CACNA1A: variants seen among roughly 807,000 people sequenced by gnomAD.
CACNA1A encodes calcium voltage-gated channel subunit alpha1 A, also known as voltage-dependent P/Q-type calcium channel subunit alpha-1A.
Under a neutral mutation model 262.4 loss-of-function variants are expected in CACNA1A, and 57 were observed. The ratio of observed to expected loss-of-function variants is 0.22; its 90% CI spans 0.18 to 0.27. CACNA1A has a LOEUF of 0.27. Among genes scored for constraint, CACNA1A ranks in the 10% least tolerant of loss-of-function variants. CACNA1A has a pLI of 1.00. For synonymous variants in CACNA1A, 1,431 were observed against 1,419.3 expected, an observed-to-expected ratio of 1.01 and a Z score of -0.18; for missense variants, 2,526 against 3,562.8, an observed-to-expected ratio of 0.71 and a Z score of 7.41.
chr19:13,267,672 G>A (rs1312451718), intron 24 of CACNA1A, among the ~76,000 whole-genome samples: 3 of 152,096 alleles, frequency 2.0e-5, no homozygotes, highest in Non-Finnish European at 2.9e-5. Context: ...ACTGGGTGCC[G>A]TGGCTCACAG....
At chr19:13,416,371 G>A (rs1485998583) in intron 3 of CACNA1A, among the ~76,000 whole-genome samples, 2 of 152,106 alleles carry the variant, frequency 1.3e-5, no homozygotes, top group African/African-American at 2.4e-5. Context: ...CCAAAGTGTT[G>A]GGATTACAGG....
At chr19:13,269,622 G>C (rs188967569) in intron 24 of CACNA1A, among the ~76,000 whole-genome samples, 1 of 152,200 alleles carries the variant, frequency 6.6e-6, no homozygotes, top group South Asian at 2.1e-4. Flanking sequence ...GACTCTTGGC[G>C]GTGAGGGCAG....
chr19:13,385,519 C>T (rs566894671), intron 3 of CACNA1A, among the ~76,000 whole-genome samples: 3 of 151,954 alleles, frequency 2.0e-5, no homozygotes, highest in Admixed American at 1.3e-4. Context: ...TGAGCCACTG[C>T]GCCCGGCCTT....
At chr19:13,247,713 A>AATAAAAAT (rs1555741538) in intron 30 of CACNA1A, among the ~76,000 whole-genome samples, 1 of 146,628 alleles carries the variant, frequency 6.8e-6, no homozygotes, top group South Asian at 2.2e-4. Context: ...TAAATAAATA[A>AATAAAAAT]AAATAAATAA....
At chr19:13,477,040 T>C (rs1009897550) in intron 1 of CACNA1A, among the ~76,000 whole-genome samples, 9 of 152,154 alleles carry the variant, frequency 5.9e-5, no homozygotes, top group Middle Eastern at 3.2e-3. Flanking sequence ...CTCCAAAACC[T>C]GTCCCGTCAC....
At chr19:13,504,381 G>C (rs1342939634) in intron 1 of CACNA1A, among the ~76,000 whole-genome samples, 1 of 152,112 alleles carries the variant, frequency 6.6e-6, no homozygotes, top group Non-Finnish European at 1.5e-5. Context: ...AAGCACCTCT[G>C]CTGAACTTCT....
rs774481834 is a variant in CACNA1A at position 13,259,679 on chromosome 19, T to G, written c.4273A>C (p.Lys1425Gln). 6.2e-7 allele frequency: 1 copy of G among 1,611,510 alleles called. No individual in the cohort carries two copies. ...CGGTCTCGCGCCTTCACCTCATTCT[T>G]CTCGTAGAGGAGGTATTTGCCTCTG... ...DCRGKYLLYE[K>Q]NEVKARDREW... The change falls in exon 27 of 47, where the codon AAG becomes CAG. Residue 1425 changes from lysine to glutamine, a missense_variant. By Grantham distance (53) the Lys-to-Gln change is moderately conservative. This residue lies in a region of CACNA1A where 137 missense variants were observed against 377.7 expected (regional missense o/e 0.36). Transcript: ENST00000360228.
At chr19:13,397,472 C>A (rs1012349434) in intron 3 of CACNA1A, among the ~76,000 whole-genome samples, 20 of 152,150 alleles carry the variant, frequency 1.3e-4, no homozygotes, top group Admixed American at 1.3e-3. Flanking sequence ...GTAGGGCTTG[C>A]AAGGAGGTGA....
intron 19 of CACNA1A, 70 bp from the exon 20 acceptor site, chr19:13,287,036 T>G: frequency 3.3e-6 from 4 of 1,222,016 alleles, no homozygotes; most frequent in Non-Finnish European, 4.5e-6. Context: ...TTCAGGATCC[T>G]AGCTAAGATT....
At chr19:13,485,738 C>T (rs536237381) in intron 1 of CACNA1A, among the ~76,000 whole-genome samples, 2 of 152,304 alleles carry the variant, frequency 1.3e-5, no homozygotes, top group African/African-American at 4.8e-5. Context: ...GGTTGTGAAG[C>T]ATCTTGAATG....
intron 29 of CACNA1A, 121 bp from the exon 30 acceptor site, chr19:13,253,222 C>T: frequency 1.7e-6 from 1 of 577,076 alleles, no homozygotes; most frequent in East Asian, 2.9e-5. Flanking sequence ...GTCTGAGCAA[C>T]CTCACTGGTA....
chr19:13,212,021 A>G lies in CACNA1A; in HGVS notation c.6303+82T>C. On this transcript the variant is annotated intron_variant, in intron 43 of 46. Coordinates refer to ENST00000360228, the MANE Select transcript of CACNA1A (RefSeq NM_001127222.2). The surrounding 1 kb of genome is among the most constrained non-coding windows in gnomAD (Gnocchi z 5.6). ...CCTGAGTCCGGCAGGGAGGGGATGC[A>G]CTGGGCTGCTTGTGGGGGGGCCTGG... 1.0e-6 allele frequency: 1 copy of G among 979,528 alleles called. No individual in the cohort carries two copies. The highest frequency in any genetic ancestry group is 2.5e-5 in the East Asian group (1 of 40,740). The allele number at this position is 979,528 out of a possible 1,614,324, so 60.7% of individuals were successfully genotyped here. A position where few individuals can be genotyped will look rare whatever the true frequency, so the allele number is the denominator to read the frequency against.
Position 13,261,517 on chromosome 19 carries a change from C to T in CACNA1A, c.4183G>A (p.Val1395Met). 6.3e-7 allele frequency: 1 copy of T among 1,598,292 alleles called. No homozygotes were observed. Among genetic ancestry groups the T allele is most frequent in the Non-Finnish European group, 8.5e-7 (1 of 1,172,512 alleles). ...AAGAATTTCCCCTTGAAGAGCTGCACAGCCACCACGGCGAAGATGAACATG... is the reference window on the plus strand; with the variant it reads ...AAGAATTTCCCCTTGAAGAGCTGCATAGCCACCACGGCGAAGATGAACATG... ...LFMFIFAVVA[V>M]QLFKGKFFHC... The change falls in exon 26 of 47, where the codon GTG (valine) becomes ATG (methionine). Residue 1395 changes from valine to methionine, a missense_variant. Physicochemically the swap from Val to Met is conservative, Grantham distance 21. Coordinates refer to ENST00000360228, the MANE Select transcript of CACNA1A (RefSeq NM_001127222.2).
intron 35 of CACNA1A, among the ~76,000 whole-genome samples, chr19:13,230,585 A>G (rs910101888): frequency 2.0e-5 from 3 of 152,116 alleles, no homozygotes; most frequent in Admixed American, 6.6e-5. Flanking sequence ...TGGACAGATC[A>G]CTTGAGGTCA....
intron 3 of CACNA1A, among the ~76,000 whole-genome samples, chr19:13,443,184 G>T (rs1008438670): frequency 6.6e-6 from 1 of 151,992 alleles, no homozygotes; most frequent in Non-Finnish European, 1.5e-5. Flanking sequence ...GAAATAAATT[G>T]CTTTTTCTTT....
At chr19:13,254,150 C>T (rs938272514) in intron 29 of CACNA1A, among the ~76,000 whole-genome samples, 3 of 152,128 alleles carry the variant, frequency 2.0e-5, no homozygotes, top group Non-Finnish European at 2.9e-5. Context: ...ATTATCATTC[C>T]CATTTTATTG....
Position 13,255,269 on chromosome 19 carries a change from A to G in CACNA1A, c.4591-10T>C. 1 of 1,585,252 alleles carries G rather than the reference A, an allele frequency of 6.3e-7. No homozygotes were observed. The highest frequency in any genetic ancestry group is 8.6e-7 in the Non-Finnish European group (1 of 1,159,700). ...AATCAATGCAGGCCCTCTGCGGGAG[A>G]GAGGCCAGTGGTGAGAGCGGCAGAG... is the stretch of plus-strand genomic sequence containing the variant. On this transcript the variant is annotated splice_polypyrimidine_tract_variant and intron_variant, in intron 28 of 46. Coordinates refer to ENST00000360228, the MANE Select transcript of CACNA1A (RefSeq NM_001127222.2).
chr19:13,250,385 A>AT (rs1303209112), intron 30 of CACNA1A, among the ~76,000 whole-genome samples: 4 of 147,256 alleles, frequency 2.7e-5, no homozygotes, highest in South Asian at 2.2e-4. Flanking sequence ...AATAATTTTA[A>AT]TTTAATTTAA....
At position 13,317,289 on chromosome 19, in the gene CACNA1A, C is replaced by G. The variant is rs1266525135; in HGVS notation, c.1378G>C (p.Ala460Pro). ...AAAAAGGTCGAGTTCTCCAGCTTGG[C>G]ACTTTTAATGCTGGCTCGGGCGAAG... Reference protein sequence around the residue: ...SPFARASIKSAKLENSTFFHK... With the variant: ...SPFARASIKSPKLENSTFFHK... The change falls in exon 11 of 47, where the codon GCC becomes CCC. Residue 460 changes from alanine (A) to proline (P), a missense_variant. Transcript: ENST00000360228. 1.9e-5 allele frequency: 30 copies of G among 1,610,338 alleles called. No individual in the cohort carries two copies. Among genetic ancestry groups the G allele is most frequent in the Non-Finnish European group, 2.4e-5 (28 of 1,176,892 alleles).
Sources: allele counts gnomAD v4.1 joint callset (sites outside exome capture counted in the v4.1 genomes callset), GRCh38; gene constraint gnomAD v4.1.1; regional missense constraint gnomAD v4.1.1; non-coding constraint Gnocchi (gnomAD v3.1); transcripts MANE v1.5; gene names NCBI Gene and HGNC (gene_info 2026-07-23, HGNC 2026-07-21).